The following SPAG16 variants were observed in gnomAD, a reference collection of about 807,000 sequenced individuals.
The protein encoded by SPAG16 is sperm associated antigen 16.
A neutral mutation model predicts 80.4 loss-of-function variants in SPAG16; 86 were observed. That is an observed-to-expected ratio of 1.07 (90% CI 0.90 to 1.28). The LOEUF is 1.28. Among genes scored for constraint, SPAG16 ranks in the 50% most tolerant of loss-of-function variants. The pLI, the probability that SPAG16 is intolerant of heterozygous loss-of-function variation, is 0.00. For missense variants in SPAG16, 870 were observed against 765.3 expected, an observed-to-expected ratio of 1.14 and a Z score of -1.61; for synonymous variants, 294 against 265.9, an observed-to-expected ratio of 1.11 and a Z score of -1.03.
chr2:213,645,075 T>G (rs1291545124), intron 10 of SPAG16, among the ~76,000 whole-genome samples: 1 of 152,162 alleles, frequency 6.6e-6, no homozygotes, highest in Non-Finnish European at 1.5e-5. Flanking sequence ...GATGCAGTTC[T>G]TCCCACTTTT....
intron 9 of SPAG16, 67 bp downstream of exon 9, chr2:213,375,186 A>G (rs2066826019): frequency 2.7e-6 from 3 of 1,102,202 alleles, no homozygotes; most frequent in East Asian, 2.6e-5. Context: ...CCATTCACTC[A>G]TATGGTATCA....
At chr2:213,422,968 C>T (rs532549116) in intron 9 of SPAG16, among the ~76,000 whole-genome samples, 16 of 152,210 alleles carry the variant, frequency 1.1e-4, no homozygotes, top group African/African-American at 3.9e-4. Context: ...TCCATGACAG[C>T]AAGGCTGTCT....
intron 3 of SPAG16, among the ~76,000 whole-genome samples, chr2:213,301,945 C>G (rs2062756762): frequency 6.6e-6 from 1 of 152,138 alleles, no homozygotes; most frequent in African/African-American, 2.4e-5. Flanking sequence ...ACCTAATAGT[C>G]TCCTTAACAT....
At chr2:213,428,870 T>C (rs1327628067) in intron 9 of SPAG16, among the ~76,000 whole-genome samples, 1 of 151,958 alleles carries the variant, frequency 6.6e-6, no homozygotes, top group Non-Finnish European at 1.5e-5. Flanking sequence ...GGTGGGCAGG[T>C]CACGAGGTCA....
chr2:214,081,944 A>G (rs2051417225), intron 13 of SPAG16, among the ~76,000 whole-genome samples: 1 of 151,962 alleles, frequency 6.6e-6, no homozygotes, highest in South Asian at 2.1e-4. Flanking sequence ...AGAACTCAAG[A>G]GAGCTGGGGC....
intron 9 of SPAG16, among the ~76,000 whole-genome samples, chr2:213,387,756 G>A (rs1559078443): frequency 6.6e-6 from 1 of 151,786 alleles, no homozygotes; most frequent in Non-Finnish European, 1.5e-5. Flanking sequence ...GCCCGGCCAT[G>A]CATGCTCTTT....
intron 10 of SPAG16, among the ~76,000 whole-genome samples, chr2:213,799,035 G>T (rs180806941): frequency 1.6e-4 from 25 of 152,106 alleles, no homozygotes; most frequent in Admixed American, 1.6e-3. Context: ...ATTTTTTAAG[G>T]TTTCTTTGGC....
rs1700227686 is a variant in SPAG16 at position 214,377,940 on chromosome 2, A to G, written c.1721-32200A>G. Among the ~76,000 whole-genome samples the G allele has an allele frequency of 2.6e-5, 4 of 152,312 alleles. No homozygotes were observed. The South Asian group carries it at 8.3e-4, about 32-fold the overall frequency. The stretch of plus-strand genomic sequence containing the variant: ...CAGATGGATTAAATTATAACTCTTG[A>G]AAGATTACTGTGGATTATCCAGGTT... On this transcript the variant is annotated intron_variant, in intron 15 of 15. Coordinates refer to ENST00000331683, the MANE Select transcript of SPAG16 (RefSeq NM_024532.5).
intron 10 of SPAG16, among the ~76,000 whole-genome samples, chr2:213,493,722 C>T (rs2074361785): frequency 6.6e-6 from 1 of 152,140 alleles, no homozygotes; most frequent in Non-Finnish European, 1.5e-5. Flanking sequence ...ACCACAGGTG[C>T]CTGCCACCAC....
At chr2:213,815,762 G>A (rs1186684645) in intron 10 of SPAG16, among the ~76,000 whole-genome samples, 2 of 151,770 alleles carry the variant, frequency 1.3e-5, no homozygotes, top group East Asian at 3.9e-4. Context: ...TATTAGATAT[G>A]TTCATTAATT....
intron 10 of SPAG16, among the ~76,000 whole-genome samples, chr2:213,728,629 A>G (rs1431055934): frequency 6.6e-6 from 1 of 152,092 alleles, no homozygotes; most frequent in Admixed American, 6.5e-5. Flanking sequence ...TAATCCCAGC[A>G]CTTTGGGAGG....
Position 213,590,965 on chromosome 2 carries a change from A to G in SPAG16, c.1070+100875A>G, listed in dbSNP as rs531868610. ...ATCTATACACCATAGAATATTACAC[A>G]GCCATAAAAGAGAACAAAACCTTTA... On this transcript the variant is annotated intron_variant, in intron 10 of 15. Transcript: ENST00000331683. 1.2e-4 allele frequency among the ~76,000 whole-genome samples: 18 copies of G among 152,350 alleles called. No homozygotes were observed. The South Asian group carries it at 3.5e-3, about 30-fold the overall frequency.
In SPAG16 at chr2:213,731,153, G is replaced by GTT. The variant is rs57074369; in HGVS notation, c.1071-131313_1071-131312dup. On this transcript the variant is annotated intron_variant, in intron 10 of 15. Coordinates refer to ENST00000331683, the MANE Select transcript of SPAG16 (RefSeq NM_024532.5). ...ATTCCAACATCTACATTATATCTGA[G>GTT]TTTTTTTTTTTTTTTTTTTTGAGTT... 6.3e-3 allele frequency among the ~76,000 whole-genome samples: 673 copies of GTT among 106,978 alleles called. 9 individuals are homozygous for GTT. The highest frequency in any genetic ancestry group is 0.011 in the East Asian group (40 of 3,666). 70.2% of individuals were successfully genotyped at this position (106,978 alleles called of 152,430 possible).
At chr2:213,831,268 G>A (rs1217828834) in intron 10 of SPAG16, among the ~76,000 whole-genome samples, 2 of 151,744 alleles carry the variant, frequency 1.3e-5, no homozygotes, top group African/African-American at 4.8e-5. Flanking sequence ...TCGAACTCCT[G>A]ACCTCGTGAT....
chr2:214,166,550 T>C (rs2056663866), intron 15 of SPAG16, among the ~76,000 whole-genome samples: 1 of 152,164 alleles, frequency 6.6e-6, no homozygotes, highest in Admixed American at 6.5e-5. Context: ...CTAGTGTCAG[T>C]AACAACTCTT....
intron 12 of SPAG16, among the ~76,000 whole-genome samples, chr2:213,977,040 C>A (rs1191291652): frequency 6.6e-6 from 1 of 151,814 alleles, no homozygotes; most frequent in Admixed American, 6.6e-5. Context: ...AATTGAATAC[C>A]ATAGCATATA....
chr2:214,407,699 TTTTTA>T (rs1702071608), intron 15 of SPAG16, among the ~76,000 whole-genome samples: 1 of 152,266 alleles, frequency 6.6e-6, no homozygotes, highest in African/African-American at 2.4e-5. Context: ...ACTATGGCAT[TTTTTA>T]TTTTCTTTCT....
chr2:214,333,481 T>A (rs1459582119), intron 15 of SPAG16, among the ~76,000 whole-genome samples: 3 of 152,218 alleles, frequency 2.0e-5, no homozygotes, highest in Non-Finnish European at 4.4e-5. Flanking sequence ...TCATCCTCCT[T>A]GCTTACTGAA....
intron 10 of SPAG16, among the ~76,000 whole-genome samples, chr2:213,517,711 C>T (rs2075488304): frequency 6.6e-6 from 1 of 152,066 alleles, no homozygotes. Flanking sequence ...AGAAAGGGCT[C>T]CCTGTTCAAT....
Sources: allele counts gnomAD v4.1 joint callset (sites outside exome capture counted in the v4.1 genomes callset), GRCh38; gene constraint gnomAD v4.1.1; transcripts MANE v1.5; gene names NCBI Gene and HGNC (gene_info 2026-07-23, HGNC 2026-07-21).